TLN2: variants seen among roughly 807,000 people sequenced by gnomAD.
TLN2 encodes the protein talin-2.
TLN2 carries 118 observed loss-of-function variants against 294.7 expected under a neutral mutation model. The observed-to-expected ratio is 0.40, with a 90% confidence interval of 0.34 to 0.47. The LOEUF (loss-of-function observed/expected upper bound fraction) is 0.47. TLN2 is among the 20% of genes least tolerant of loss of function. TLN2 has a pLI of 0.84. For missense variants in TLN2, 3,083 were observed against 3,282.2 expected, an observed-to-expected ratio of 0.94 and a Z score of 1.48; for synonymous variants, 1,431 against 1,304.5, an observed-to-expected ratio of 1.10 and a Z score of -2.09.
chr15:62,797,478 A>G (rs1026542018), intron 48 of TLN2, 76 bp downstream of exon 48: 28 of 1,450,948 alleles, frequency 1.9e-5, no homozygotes, highest in African/African-American at 4.3e-5. Context: ...GAAGAGGCCT[A>G]AGGCAGAACA....
chr15:62,627,847 C>CTT (rs2049419015), intron 3 of TLN2, among the ~76,000 whole-genome samples: 4 of 101,210 alleles, frequency 4.0e-5, no homozygotes, highest in African/African-American at 6.6e-5. Context: ...ATTTTGGGCT[C>CTT]GTTTTACTCT....
At chr15:62,458,150 C>G (rs2036586164) in intron 1 of TLN2, among the ~76,000 whole-genome samples, 1 of 152,096 alleles carries the variant, frequency 6.6e-6, no homozygotes, top group African/African-American at 2.4e-5. Flanking sequence ...AGCGCCACCT[C>G]TGCAGTGGTG....
chr15:62,701,569 G>T (rs984235865), intron 17 of TLN2, among the ~76,000 whole-genome samples: 2 of 152,180 alleles, frequency 1.3e-5, no homozygotes, highest in African/African-American at 4.8e-5. Context: ...CCTGTCATAT[G>T]TGCCTTTGCC....
At chr15:62,575,625 T>TAC (rs1567126370) in intron 1 of TLN2, among the ~76,000 whole-genome samples, 1 of 105,800 alleles carries the variant, frequency 9.5e-6, no homozygotes, top group Non-Finnish European at 2.3e-5. Flanking sequence ...CACACACACA[T>TAC]ACACACACAC....
At chr15:62,657,181 A>T (rs1001718005) in intron 8 of TLN2, among the ~76,000 whole-genome samples, 1 of 151,006 alleles carries the variant, frequency 6.6e-6, no homozygotes, top group Non-Finnish European at 1.5e-5. Context: ...GCAGTGATGG[A>T]TGGAGAAACT....
intron 1 of TLN2, among the ~76,000 whole-genome samples, chr15:62,500,258 A>C (rs1452672390): frequency 6.6e-6 from 1 of 152,160 alleles, no homozygotes; most frequent in East Asian, 1.9e-4. Flanking sequence ...GAATTGCTTG[A>C]ACCCAGGAGA....
At position 62,582,217 on chromosome 15, in the gene TLN2, C is replaced by CACACACACACACACAT. The variant is rs1555435600; in HGVS notation, c.-237-7455_-237-7454insTACACACACACACACA. Among the ~76,000 whole-genome samples, 996 of 135,890 alleles carry CACACACACACACACAT rather than the reference C, an allele frequency of 7.3e-3. 11 individuals are homozygous for CACACACACACACACAT. Among genetic ancestry groups the CACACACACACACACAT allele is most frequent in the Non-Finnish European group, 0.012 (737 of 62,510 alleles). 89.1% of individuals were successfully genotyped at this position (135,890 alleles called of 152,430 possible). ...GCATACACACACACACACACACACA[C>CACACACACACACACAT]ACACACACACACACACACACACACA... is the stretch of plus-strand genomic sequence containing the variant. On this transcript the variant is annotated intron_variant, in intron 1 of 58. Transcript: ENST00000636159.
At chr15:62,616,612 A>G (rs999986023) in intron 2 of TLN2, among the ~76,000 whole-genome samples, 6 of 152,130 alleles carry the variant, frequency 3.9e-5, no homozygotes, top group Admixed American at 2.6e-4. Flanking sequence ...TCTGAAATAA[A>G]TATCTCTAGA....
chr15:62,825,743 TA>T (rs1443564839), intron 54 of TLN2, among the ~76,000 whole-genome samples: 17 of 108,184 alleles, frequency 1.6e-4, no homozygotes, highest in African/African-American at 6.1e-4. Context: ...TATTTTTATA[TA>T]TATTAAATAT....
intron 1 of TLN2, among the ~76,000 whole-genome samples, chr15:62,437,652 C>T (rs549286871): frequency 6.6e-6 from 1 of 152,230 alleles, no homozygotes; most frequent in South Asian, 2.1e-4. Flanking sequence ...CTGACATGAG[C>T]TTCTAGTCCT....
intron 18 of TLN2, among the ~76,000 whole-genome samples, chr15:62,702,544 G>A (rs1418679522): frequency 6.6e-6 from 1 of 152,148 alleles, no homozygotes; most frequent in Non-Finnish European, 1.5e-5. Flanking sequence ...TCACTAATTG[G>A]CCATTTCAAA....
chr15:62,479,890 A>G (rs571995961), intron 1 of TLN2, among the ~76,000 whole-genome samples: 1 of 152,380 alleles, frequency 6.6e-6, no homozygotes, highest in Admixed American at 6.5e-5. Context: ...TCTGTTAAAT[A>G]AACTCAACAA....
At chr15:62,654,063 C>G (rs7163561) in intron 7 of TLN2, among the ~76,000 whole-genome samples, 141,954 of 152,280 alleles carry the variant, frequency 0.93, 66,945 homozygotes, top group East Asian at 1. Context: ...ATCTTTTTTT[C>G]TGGTAAGATT....
intron 3 of TLN2, among the ~76,000 whole-genome samples, chr15:62,645,514 C>T (rs969369362): frequency 1.3e-5 from 2 of 152,220 alleles, no homozygotes; most frequent in Non-Finnish European, 2.9e-5. Flanking sequence ...AAACCATGCC[C>T]GCATTCACCA....
chr15:62,749,060 C>A (rs1024173288), intron 33 of TLN2, among the ~76,000 whole-genome samples: 3 of 152,222 alleles, frequency 2.0e-5, no homozygotes, highest in Admixed American at 2.0e-4. Context: ...AACATAAAAT[C>A]AGTGTACCTA....
intron 1 of TLN2, among the ~76,000 whole-genome samples, chr15:62,556,528 G>T (rs1043505559): frequency 1.3e-5 from 2 of 151,874 alleles, no homozygotes; most frequent in Admixed American, 6.6e-5. Context: ...GTCCAGGCTG[G>T]TCTCAAGAGA....
At chr15:62,640,909 T>C (rs534320389) in intron 3 of TLN2, among the ~76,000 whole-genome samples, 20 of 152,146 alleles carry the variant, frequency 1.3e-4, no homozygotes, top group Middle Eastern at 6.8e-3. Context: ...TCCAGCAATT[T>C]TCCTGCCTCA....
At chr15:62,837,903 G>T (rs901860992) in intron 57 of TLN2, among the ~76,000 whole-genome samples, 3 of 152,152 alleles carry the variant, frequency 2.0e-5, no homozygotes, top group East Asian at 3.8e-4. Flanking sequence ...TTCTGATGGC[G>T]AACCCTCAAG....
At chr15:62,805,547 AT>A in intron 50 of TLN2, 52 bp from the exon 51 acceptor site, 2 of 1,518,282 alleles carry the variant, frequency 1.3e-6, no homozygotes, top group Non-Finnish European at 1.8e-6. Flanking sequence ...AGAATAAATT[AT>A]TTTTTTCGTT....
Sources: allele counts gnomAD v4.1 joint callset (sites outside exome capture counted in the v4.1 genomes callset), GRCh38; gene constraint gnomAD v4.1.1; transcripts MANE v1.5; gene names NCBI Gene and HGNC (gene_info 2026-07-23, HGNC 2026-07-21).